Variants in UPRT observed in about 807,000 individuals in gnomAD.
UPRT encodes uracil phosphoribosyltransferase homolog, also known as RP11-311P8.3.
A neutral mutation model predicts 22.6 loss-of-function variants in UPRT; 5 were observed. The observed-to-expected ratio is 0.22, with a 90% CI of 0.12 to 0.47. The LOEUF (loss-of-function observed/expected upper bound fraction) is 0.47, where lower values mean the gene tolerates loss of function less well. Ranked by LOEUF, UPRT falls within the 20% of genes least tolerant of loss-of-function variation. UPRT has a pLI of 0.99. For missense variants in UPRT, 181 were observed against 239.9 expected, an observed-to-expected ratio of 0.75 and a Z score of 1.62; for synonymous variants, 77 against 87.7, an observed-to-expected ratio of 0.88 and a Z score of 0.68.
At chrX:75,275,922 C>T (rs776372030) in intron 1 of UPRT, among the ~76,000 whole-genome samples, 3 of 111,259 alleles carry the variant, frequency 2.7e-5, no homozygotes, top group Non-Finnish European at 3.8e-5. Context: ...ATATTGTCCA[C>T]GATGGTCTTG....
chrX:75,282,947 G>C (rs371702440), intron 1 of UPRT, among the ~76,000 whole-genome samples: 2 of 111,701 alleles, frequency 1.8e-5, no homozygotes, highest in African/African-American at 6.5e-5. Flanking sequence ...TTATAAATTT[G>C]GGAGGTCCTA....
At chrX:75,246,219 A>AG (rs1347092496) in intron 4 of UPRT, among the ~76,000 whole-genome samples, 1 of 106,565 alleles carries the variant, frequency 9.4e-6, no homozygotes, top group African/African-American at 3.4e-5. Flanking sequence ...CTCGTCATTT[A>AG]CATTAGGTAT....
chrX:75,216,530 T>A (rs948993887), intron 4 of UPRT, among the ~76,000 whole-genome samples: 4 of 112,188 alleles, frequency 3.6e-5, no homozygotes, highest in Admixed American at 1.9e-4. Context: ...ATATAGAAGA[T>A]AAAAGCATTA....
At chrX:75,301,918 T>C (rs1379879803) in intron 6 of UPRT, among the ~76,000 whole-genome samples, 1 of 112,224 alleles carries the variant, frequency 8.9e-6, no homozygotes, top group African/African-American at 3.2e-5. Flanking sequence ...ATACACAATA[T>C]TAATAGTGGT....
At chrX:75,244,906 A>C (rs1420499186) in intron 4 of UPRT, among the ~76,000 whole-genome samples, 1 of 111,757 alleles carries the variant, frequency 8.9e-6, no homozygotes, top group Non-Finnish European at 1.9e-5. Flanking sequence ...AATTTCAATA[A>C]ACACAAAAAT....
At chrX:75,273,874 C>G (rs1341718623), upstream of UPRT, among the ~76,000 whole-genome samples, 1 of 111,686 alleles carries the variant, frequency 9.0e-6, no homozygotes, top group East Asian at 2.8e-4. Context: ...ACTAATCACC[C>G]AAAGTTCTGA....
intron 1 of UPRT, 135 bp downstream of exon 1, chrX:75,274,775 G>GGTGTGTGTGTGTGTGTGTGT (rs201034223): frequency 1.7e-5 from 6 of 361,670 alleles, no homozygotes; most frequent in African/African-American, 1.5e-4. Flanking sequence ...CCTTTTATTT[G>GGTGTGTGTGTGTGTGTGTGT]GTGTGTGTGT....
intron 4 of UPRT, among the ~76,000 whole-genome samples, chrX:75,247,203 A>T (rs775188412): frequency 9.0e-6 from 1 of 111,544 alleles, no homozygotes; most frequent in Non-Finnish European, 1.9e-5. Context: ...TTCCGGGTTC[A>T]TCTCACTGGG....
At chrX:75,268,109 A>G (rs1239296362) in intron 4 of UPRT, among the ~76,000 whole-genome samples, 2 of 112,088 alleles carry the variant, frequency 1.8e-5, no homozygotes, top group South Asian at 3.7e-4. Context: ...ACAAATGACC[A>G]TCAGTGAAAA....
chrX:75,169,448 T>G (rs996182017), intron 4 of UPRT, among the ~76,000 whole-genome samples: 1 of 111,972 alleles, frequency 8.9e-6, no homozygotes, highest in Non-Finnish European at 1.9e-5. Flanking sequence ...TTTTGGTTTT[T>G]TAATTATGGC....
At chrX:75,177,742 C>T (rs1298261417) in intron 4 of UPRT, among the ~76,000 whole-genome samples, 5 of 111,858 alleles carry the variant, frequency 4.5e-5, no homozygotes, top group African/African-American at 1.6e-4. Flanking sequence ...CCTAAAATTC[C>T]AGGTAGTCCC....
At chrX:75,274,026 G>C (rs922004934), upstream of UPRT, 16 of 395,739 alleles carry the variant, frequency 4.0e-5, no homozygotes, top group African/African-American at 3.8e-4. Context: ...GAGTGGCGGG[G>C]AGTGCAGCCA....
chrX:75,272,755 A>G (rs1295360107), upstream of UPRT, among the ~76,000 whole-genome samples: 1 of 110,924 alleles, frequency 9.0e-6, no homozygotes, highest in African/African-American at 3.3e-5. Context: ...AATTATAAAA[A>G]AATCTGTATA....
intron 4 of UPRT, among the ~76,000 whole-genome samples, chrX:75,255,050 C>A (rs2082544977): frequency 9.0e-6 from 1 of 110,825 alleles, no homozygotes; most frequent in Admixed American, 9.6e-5. Flanking sequence ...GCTGGGATTA[C>A]AGGCGTGAGC....
intron 4 of UPRT, among the ~76,000 whole-genome samples, chrX:75,191,166 T>C (rs1423615779): frequency 8.9e-6 from 1 of 112,454 alleles, no homozygotes; most frequent in African/African-American, 3.2e-5. Flanking sequence ...GGTGTGGATG[T>C]CCTTTCTGTT....
chrX:75,213,552 C>T (rs137989329), intron 4 of UPRT, among the ~76,000 whole-genome samples: 257 of 111,520 alleles, frequency 2.3e-3, no homozygotes, highest in African/African-American at 7.9e-3. Context: ...GGAGTCAAGA[C>T]GCAATGCCCA....
chrX:75,209,647 A>C (rs780251178), intron 4 of UPRT, among the ~76,000 whole-genome samples: 15 of 112,633 alleles, frequency 1.3e-4, no homozygotes, highest in African/African-American at 4.8e-4. Flanking sequence ...TGCTGGAATT[A>C]CAGGCATGAG....
chrX:75,191,042 G>A (rs1211390071), intron 4 of UPRT, among the ~76,000 whole-genome samples: 3 of 111,611 alleles, frequency 2.7e-5, no homozygotes, highest in Non-Finnish European at 3.8e-5. Flanking sequence ...CTTTGGAGGG[G>A]GAGAAGTCCT....
chrX:75,202,994 T>C (rs1275704776), intron 4 of UPRT, among the ~76,000 whole-genome samples: 2 of 111,485 alleles, frequency 1.8e-5, no homozygotes, highest in African/African-American at 6.5e-5. Flanking sequence ...ATTAAAAGAC[T>C]CAGACTGGCA....
Sources: gnomAD v4.1 joint callset for allele counts (sites outside exome capture counted in the v4.1 genomes callset) on GRCh38, gnomAD v4.1.1 for gene constraint, MANE v1.5 for transcripts, NCBI Gene and HGNC (gene_info 2026-07-23, HGNC 2026-07-21) for gene names.